Variants in PLXNA4 observed in about 807,000 individuals in gnomAD.
PLXNA4 encodes the protein plexin A4.
A neutral mutation model predicts 191.8 loss-of-function variants in PLXNA4; 44 were observed. The observed-to-expected ratio is 0.23, with a 90% CI of 0.18 to 0.29. The LOEUF (loss-of-function observed/expected upper bound fraction) is 0.29. Among genes scored for constraint, PLXNA4 ranks in the 10% least tolerant of loss-of-function variants. The probability of loss-of-function intolerance (pLI) is 1.00; values close to 1 mark genes in which losing one functional copy is unlikely to be tolerated. For synonymous variants in PLXNA4, 1,082 were observed against 1,009.5 expected, an observed-to-expected ratio of 1.07 and a Z score of -1.36; for missense variants, 1,800 against 2,488.8, an observed-to-expected ratio of 0.72 and a Z score of 5.89.
At chr7:132,160,394 A>C (rs905912648) in intron 24 of PLXNA4, among the ~76,000 whole-genome samples, 10 of 152,202 alleles carry the variant, frequency 6.6e-5, no homozygotes, top group Non-Finnish European at 4.4e-5. Flanking sequence ...AAAAGTTGAA[A>C]CTGCTTCACC....
chr7:132,445,875 T>G (rs576391229), intron 3 of PLXNA4, among the ~76,000 whole-genome samples: 21 of 152,232 alleles, frequency 1.4e-4, no homozygotes, highest in Middle Eastern at 3.4e-3. Context: ...ACACAGCCTC[T>G]CAGGCTCACG....
At chr7:132,647,443 TCA>T (rs1803897070) in intron 1 of PLXNA4, among the ~76,000 whole-genome samples, 1 of 151,678 alleles carries the variant, frequency 6.6e-6, no homozygotes, top group Admixed American at 6.6e-5. Flanking sequence ...ACATATGCAC[TCA>T]CACACTTACA....
intron 15 of PLXNA4, among the ~76,000 whole-genome samples, chr7:132,187,180 C>T (rs995671142): frequency 3.3e-5 from 5 of 152,142 alleles, no homozygotes; most frequent in Admixed American, 6.5e-5. Context: ...CCTAACCCCC[C>T]GCCTGCCAAA....
In PLXNA4 at chr7:132,523,776, C is replaced by T. The variant is rs562576741; in HGVS notation, c.-86-14997G>A. 1.4e-4 allele frequency among the ~76,000 whole-genome samples: 21 copies of T among 151,846 alleles called. No homozygotes were observed. The South Asian group carries it at 4.0e-3, about 29-fold the overall frequency. On this transcript the variant is annotated intron_variant, in intron 1 of 31. Coordinates refer to ENST00000321063, the MANE Select transcript of PLXNA4 (RefSeq NM_020911.2). ...GCAGGGGTTGCTGGTGATGTGGAAA[C>T]AAGGGGGGCGGAAGAGAGGGACTTA... is the stretch of plus-strand genomic sequence containing the variant.
intron 5 of PLXNA4, among the ~76,000 whole-genome samples, chr7:132,234,657 A>G (rs1174355576): frequency 6.7e-6 from 1 of 148,768 alleles, no homozygotes; most frequent in Non-Finnish European, 1.5e-5. Flanking sequence ...GGCGGGGGGC[A>G]GGGTTAAAAA....
At chr7:132,489,895 T>C (rs1276838795) in intron 2 of PLXNA4, among the ~76,000 whole-genome samples, 2 of 152,190 alleles carry the variant, frequency 1.3e-5, no homozygotes, top group Non-Finnish European at 2.9e-5. Flanking sequence ...GGTCTCCGTA[T>C]CTATACACAA....
intron 24 of PLXNA4, 47 bp from the exon 25 acceptor site, chr7:132,159,679 A>G (rs1795891397): frequency 6.2e-7 from 1 of 1,605,962 alleles, no homozygotes; most frequent in Admixed American, 1.7e-5. Flanking sequence ...GGGTAGCAGG[A>G]AAAGCTCCTA....
intron 3 of PLXNA4, among the ~76,000 whole-genome samples, chr7:132,426,638 G>A (rs774276478): frequency 2.0e-5 from 3 of 152,106 alleles, no homozygotes; most frequent in Admixed American, 6.5e-5. Context: ...CCTTTCTATA[G>A]CTTAAGTGAG....
At chr7:132,291,913 G>T (rs1800906404) in intron 4 of PLXNA4, among the ~76,000 whole-genome samples, 2 of 152,198 alleles carry the variant, frequency 1.3e-5, no homozygotes, top group South Asian at 4.1e-4. Flanking sequence ...TCCTGCCTCA[G>T]CCTCCCGAGT....
At chr7:132,499,364 G>A (rs547843505) in intron 2 of PLXNA4, among the ~76,000 whole-genome samples, 24 of 152,382 alleles carry the variant, frequency 1.6e-4, no homozygotes, top group African/African-American at 5.8e-4. Flanking sequence ...CTGGGGGCTG[G>A]TTTAGCAACC....
At chr7:132,242,050 G>A (rs776531753) in intron 4 of PLXNA4, among the ~76,000 whole-genome samples, 1 of 151,972 alleles carries the variant, frequency 6.6e-6, no homozygotes, top group Non-Finnish European at 1.5e-5. Flanking sequence ...TACATAGTAG[G>A]TATTTAATAA....
chr7:132,147,256 G>T (rs2671111), intron 27 of PLXNA4, among the ~76,000 whole-genome samples: 12 of 152,150 alleles, frequency 7.9e-5, no homozygotes, highest in Admixed American at 2.0e-4. Flanking sequence ...AAGAAATGGC[G>T]GTCCTACTGT....
intron 3 of PLXNA4, among the ~76,000 whole-genome samples, chr7:132,356,682 T>C (rs1376964041): frequency 6.6e-6 from 1 of 152,236 alleles, no homozygotes; most frequent in African/African-American, 2.4e-5. Context: ...GTTGGATAAT[T>C]ATTCTAGCCC....
chr7:132,562,911 CTCT>C (rs2093527618), intron 1 of PLXNA4, among the ~76,000 whole-genome samples: 1 of 112,008 alleles, frequency 8.9e-6, no homozygotes, highest in African/African-American at 3.8e-5. Flanking sequence ...CCTCCTCCTC[CTCT>C]TCCTCCTCCT....
chr7:132,480,854 G>A (rs776606356), intron 3 of PLXNA4, among the ~76,000 whole-genome samples: 41 of 152,194 alleles, frequency 2.7e-4, no homozygotes, highest in Admixed American at 2.0e-4. Context: ...ATGGAGGCAG[G>A]AGTCCCGTCG....
chr7:132,342,839 C>T (rs1739455396), intron 3 of PLXNA4, among the ~76,000 whole-genome samples: 1 of 150,214 alleles, frequency 6.7e-6, no homozygotes, highest in Admixed American at 6.7e-5. Flanking sequence ...CCCAGCTACT[C>T]AGGTGGCTGA....
At chr7:132,164,433 T>C (rs1013987263) in intron 23 of PLXNA4, 145 bp from the exon 24 acceptor site, 5 of 1,270,546 alleles carry the variant, frequency 3.9e-6, no homozygotes, top group Non-Finnish European at 5.3e-6. Flanking sequence ...CTCTTCAATC[T>C]CCTTCTCTCC....
intron 4 of PLXNA4, among the ~76,000 whole-genome samples, chr7:132,269,344 G>T (rs1457750098): frequency 1.3e-5 from 2 of 152,130 alleles, no homozygotes; most frequent in African/African-American, 4.8e-5. Context: ...GCAGAAAGAG[G>T]TCCTATAGAC....
intron 1 of PLXNA4, among the ~76,000 whole-genome samples, chr7:132,551,250 C>T (rs1228079694): frequency 6.6e-6 from 1 of 152,148 alleles, no homozygotes; most frequent in African/African-American, 2.4e-5. Context: ...CTCTCTTGAC[C>T]AGATACAGAA....
Sources: gnomAD v4.1 joint callset for allele counts (sites outside exome capture counted in the v4.1 genomes callset) on GRCh38, gnomAD v4.1.1 for gene constraint, MANE v1.5 for transcripts, NCBI Gene and HGNC (gene_info 2026-07-23, HGNC 2026-07-21) for gene names.